B3GALNT2: variants seen among roughly 807,000 people sequenced by gnomAD.
The protein encoded by B3GALNT2 is UDP-GalNAc:beta-1,3-N-acetylgalactosaminyltransferase 2.
A neutral mutation model predicts 61.1 loss-of-function variants in B3GALNT2; 53 were observed. That is an observed-to-expected ratio of 0.87 (90% CI 0.70 to 1.09). B3GALNT2 has a LOEUF of 1.09. B3GALNT2 is among the 50% of genes least tolerant of loss of function. The probability of loss-of-function intolerance (pLI) is 0.00; values close to 1 mark genes in which losing one functional copy is unlikely to be tolerated. For missense variants in B3GALNT2, 544 were observed against 623.0 expected, an observed-to-expected ratio of 0.87 and a Z score of 1.35; for synonymous variants, 223 against 237.4, an observed-to-expected ratio of 0.94 and a Z score of 0.56.
intron 6 of B3GALNT2, among the ~76,000 whole-genome samples, chr1:235,470,648 C>T (rs1289149325): frequency 1.3e-5 from 2 of 150,642 alleles, no homozygotes; most frequent in African/African-American, 2.4e-5. Flanking sequence ...AAACTGTAAA[C>T]TCACTAATGC....
chr1:235,448,425 C>T lies in B3GALNT2; in HGVS notation c.*1781G>A. The T allele has an allele frequency of 6.2e-7, 1 of 1,614,030 alleles. No homozygotes were observed. Among genetic ancestry groups the T allele is most frequent in the African/African-American group, 1.3e-5 (1 of 74,998 alleles). ...TTCCTGTGTCAGACCTTCTGTTGTC[C>T]TATGAAAGTCCCAAAGTAAGTTGCC... On this transcript the variant is annotated 3_prime_UTR_variant, in exon 12 of 12. Coordinates refer to ENST00000366600, the MANE Select transcript of B3GALNT2 (RefSeq NM_152490.5).
rs776916053 is a variant in B3GALNT2, at chr1:235,448,603, G to A, written c.*1603C>T. On this transcript the variant is annotated 3_prime_UTR_variant, in exon 12 of 12. Transcript: ENST00000366600. ...TGCCTGGGGACGGGGTGGGGGAAGA[G>A]TATGTGTAGCATGCTTTATCGGATC... 3 of 1,435,522 alleles carry A rather than the reference G, an allele frequency of 2.1e-6. No homozygotes were observed. Among genetic ancestry groups the A allele is most frequent in the African/African-American group, 1.4e-5 (1 of 71,420 alleles). The allele number at this position is 1,435,522 out of a possible 1,614,324, so 88.9% of individuals were successfully genotyped here. A position where few individuals can be genotyped will look rare whatever the true frequency, so the allele number is the denominator to read the frequency against.
chr1:235,489,025 A>C (rs563113207), intron 3 of B3GALNT2, 143 bp downstream of exon 3: 7 of 1,130,266 alleles, frequency 6.2e-6, no homozygotes, highest in Admixed American at 3.0e-5. Flanking sequence ...ACGCCAGCCT[A>C]GGCGACAGAG....
intron 1 of B3GALNT2, among the ~76,000 whole-genome samples, chr1:235,496,691 G>A (rs1412011830): frequency 4.0e-5 from 6 of 151,858 alleles, no homozygotes; most frequent in African/African-American, 9.7e-5. Context: ...GATTATAGGC[G>A]CCTGTCACTG....
intron 5 of B3GALNT2, 140 bp downstream of exon 5, chr1:235,479,914 A>G (rs2102834234): frequency 7.1e-7 from 1 of 1,401,280 alleles, no homozygotes; most frequent in Non-Finnish European, 9.4e-7. Context: ...GTTTTAGCCC[A>G]TCCACAGTTG....
intron 4 of B3GALNT2, among the ~76,000 whole-genome samples, chr1:235,481,046 CCATAGGGGAAACTT>C (rs989065123): frequency 1.3e-5 from 2 of 150,406 alleles, no homozygotes; most frequent in Non-Finnish European, 2.9e-5. Flanking sequence ...ACCAACTTAA[CCATAGGGGAAACTT>C]CTGTTAAGCT....
chr1:235,464,697 G>C (rs1326678290), intron 7 of B3GALNT2: 1 of 152,138 alleles, frequency 6.6e-6, no homozygotes, highest in Non-Finnish European at 1.5e-5. Flanking sequence ...CAAGGCTACA[G>C]TGAGCTGTGA....
chr1:235,460,303 C>T (rs1218719180), intron 7 of B3GALNT2, among the ~76,000 whole-genome samples: 1 of 150,892 alleles, frequency 6.6e-6, no homozygotes, highest in Non-Finnish European at 1.5e-5. Flanking sequence ...TTTTTACAAA[C>T]AATTGTAAAA....
chr1:235,464,910 AAGAC>A (rs1225885065), intron 7 of B3GALNT2: 1 of 152,266 alleles, frequency 6.6e-6, no homozygotes, highest in Non-Finnish European at 1.5e-5. Context: ...TATATTTTAA[AAGAC>A]AGACAATTTA....
At chr1:235,467,867 C>T (rs1683786215) in intron 6 of B3GALNT2, among the ~76,000 whole-genome samples, 1 of 152,046 alleles carries the variant, frequency 6.6e-6, no homozygotes, top group African/African-American at 2.4e-5. Flanking sequence ...GCAACCTCTG[C>T]CTCCCGGGTT....
chr1:235,501,205 T>C (rs1270527732), intron 1 of B3GALNT2, among the ~76,000 whole-genome samples: 1 of 152,240 alleles, frequency 6.6e-6, no homozygotes, highest in Non-Finnish European at 1.5e-5. Context: ...ATCCTATGTT[T>C]AGATTCCTTA....
At chr1:235,474,987 A>ATTTTTTTTTTTTTT (rs1160445883) in intron 5 of B3GALNT2, among the ~76,000 whole-genome samples, 1 of 35,574 alleles carries the variant, frequency 2.8e-5, no homozygotes, top group Non-Finnish European at 4.9e-5. Context: ...ATATATATAT[A>ATTTTTTTTTTTTTT]TTTTTTTTTT....
At chr1:235,479,915 T>TC (rs1467632047) in intron 5 of B3GALNT2, 139 bp downstream of exon 5, 1 of 1,404,072 alleles carries the variant, frequency 7.1e-7, no homozygotes, top group African/African-American at 1.4e-5. Flanking sequence ...TTTTAGCCCA[T>TC]CCACAGTTGG....
intron 9 of B3GALNT2, 74 bp from the exon 10 acceptor site, chr1:235,454,389 TATCATCACTAC>T: frequency 9.5e-6 from 13 of 1,365,930 alleles, no homozygotes; most frequent in Non-Finnish European, 1.3e-5. Flanking sequence ...TTGACTCCTT[TATCATCACTAC>T]AAAGGAATAA....
rs781246410 is a variant in B3GALNT2, at chr1:235,480,014, G to GA, written c.651+39dup. On this transcript the variant is annotated intron_variant, in intron 5 of 11. Transcript: ENST00000366600. The stretch of plus-strand genomic sequence containing the variant: ...AAAGCACACGCCCACTCCTATGAAG[G>GA]ACTGCATTGGTACTACAGTCTTTTC... 1.9e-6 allele frequency: 3 copies of GA among 1,610,508 alleles called. No homozygotes were observed. In the East Asian group the frequency reaches 6.7e-5, roughly 36 times the overall value.
intron 8 of B3GALNT2, among the ~76,000 whole-genome samples, chr1:235,458,338 T>C (rs1023343833): frequency 5.3e-5 from 8 of 152,088 alleles, no homozygotes; most frequent in African/African-American, 1.9e-4. Flanking sequence ...TGTCCTTAGG[T>C]TTGTTTTTAT....
At chr1:235,493,706 A>G (rs570327150) in intron 2 of B3GALNT2, among the ~76,000 whole-genome samples, 29 of 152,290 alleles carry the variant, frequency 1.9e-4, no homozygotes, top group African/African-American at 5.8e-4. Context: ...TGAACCCAGG[A>G]ATTGGAGGTT....
chr1:235,449,111 G>GGAATTCTCTATTGAAACTACTA lies in B3GALNT2; in HGVS notation c.*1073_*1094dup, dbSNP rs1274208206. 2 of 280,824 alleles carry GGAATTCTCTATTGAAACTACTA rather than the reference G, an allele frequency of 7.1e-6. No homozygotes were observed. Among genetic ancestry groups the GGAATTCTCTATTGAAACTACTA allele is most frequent in the Non-Finnish European group, 1.4e-5 (2 of 144,442 alleles). 17.4% of individuals were successfully genotyped at this position (280,824 alleles called of 1,614,324 possible). A position where few individuals can be genotyped will look rare whatever the true frequency, so the allele number is the denominator to read the frequency against. The stretch of plus-strand genomic sequence containing the variant: ...TATCTGTCATAAGACTAGTTTTAAT[G>GGAATTCTCTATTGAAACTACTA]GAATTCTCTATTGAAACTACTATTT... On this transcript the variant is annotated 3_prime_UTR_variant, in exon 12 of 12. Transcript: ENST00000366600.
intron 11 of B3GALNT2, chr1:235,451,255 T>C (rs1259573201): frequency 6.6e-6 from 1 of 152,064 alleles, no homozygotes; most frequent in Non-Finnish European, 1.5e-5. Flanking sequence ...GAAAGGAGTC[T>C]CTCTCCCCTC....
Sources: gnomAD v4.1 joint callset for allele counts (sites outside exome capture counted in the v4.1 genomes callset) on GRCh38, gnomAD v4.1.1 for gene constraint, MANE v1.5 for transcripts, NCBI Gene and HGNC (gene_info 2026-07-23, HGNC 2026-07-21) for gene names.